The following PTGFRN variants were observed in gnomAD, a reference collection of about 807,000 sequenced individuals.
The protein encoded by PTGFRN is prostaglandin F2 receptor negative regulator.
A neutral mutation model predicts 83.2 loss-of-function variants in PTGFRN; 35 were observed. That is an observed-to-expected ratio of 0.42 (90% confidence interval 0.32 to 0.56). PTGFRN has a LOEUF of 0.56. PTGFRN is among the 20% of genes least tolerant of loss of function. PTGFRN has a pLI of 0.11. For missense variants in PTGFRN, 1,051 were observed against 1,179.5 expected, an observed-to-expected ratio of 0.89 and a Z score of 1.60; for synonymous variants, 519 against 498.6, an observed-to-expected ratio of 1.04 and a Z score of -0.55.
At chr1:116,948,340 T>C (rs557789687) in intron 3 of PTGFRN, among the ~76,000 whole-genome samples, 1 of 152,330 alleles carries the variant, frequency 6.6e-6, no homozygotes, top group East Asian at 1.9e-4. Context: ...ACCAAATACT[T>C]CAGTGCTTCA....
chr1:116,915,938 G>A (rs1649394176), intron 1 of PTGFRN, among the ~76,000 whole-genome samples: 2 of 152,354 alleles, frequency 1.3e-5, no homozygotes, highest in South Asian at 4.1e-4. Context: ...GCTGCAGTTG[G>A]CACAGTCAGT....
At chr1:116,932,112 C>T (rs1471326981) in intron 1 of PTGFRN, among the ~76,000 whole-genome samples, 2 of 152,138 alleles carry the variant, frequency 1.3e-5, no homozygotes, top group African/African-American at 4.8e-5. Context: ...CTATACTCTG[C>T]AGGTCTTGAT....
At chr1:116,932,433 T>C (rs1168427416) in intron 1 of PTGFRN, among the ~76,000 whole-genome samples, 1 of 152,246 alleles carries the variant, frequency 6.6e-6, no homozygotes, top group Non-Finnish European at 1.5e-5. Context: ...CTCTTGGTTG[T>C]TAATTTTCTA....
rs1057286585 is a variant in PTGFRN at position 116,958,336 on chromosome 1, G to A, written c.1214-2907G>A. On this transcript the variant is annotated intron_variant, in intron 4 of 8. Coordinates refer to ENST00000393203, the MANE Select transcript of PTGFRN (RefSeq NM_020440.4). This position sits in a 1 kb window ranked among gnomAD's most constrained non-coding sequence, Gnocchi z 4.9. The stretch of plus-strand genomic sequence containing the variant: ...GTGTCATGGCAGCACTGCACTCAGC[G>A]TTCCTAAAAATCATGTGTCAGTCAG... Among the ~76,000 whole-genome samples, 4 of 152,150 alleles carry A rather than the reference G, an allele frequency of 2.6e-5. No individual in the cohort carries two copies. Among genetic ancestry groups the A allele is most frequent in the African/African-American group, 9.7e-5 (4 of 41,422 alleles).
At chr1:116,916,126 C>A (rs1436337562) in intron 1 of PTGFRN, among the ~76,000 whole-genome samples, 1 of 152,170 alleles carries the variant, frequency 6.6e-6, no homozygotes, top group East Asian at 1.9e-4. Flanking sequence ...CCACAATACT[C>A]TGTATTGTGT....
In PTGFRN at chr1:116,915,134, C is replaced by T. The variant is rs545139664; in HGVS notation, c.49+4882C>T. ...TCTGTCTCTGCTAAGGAAAAGTTTA[C>T]TAATGTTCGCTAAACCTTATGCTGC... On this transcript the variant is annotated intron_variant, in intron 1 of 8. Transcript: ENST00000393203. Among the ~76,000 whole-genome samples the T allele has an allele frequency of 2.6e-5, 4 of 152,300 alleles. No individual in the cohort carries two copies. In the East Asian group the frequency reaches 7.7e-4, roughly 29 times the overall value.
At chr1:116,949,666 A>G (rs760584750) in intron 4 of PTGFRN, 94 bp downstream of exon 4, 27 of 1,478,946 alleles carry the variant, frequency 1.8e-5, no homozygotes, top group African/African-American at 2.8e-5. Flanking sequence ...TGCGCTTTGC[A>G]TGACTTCGAC....
intron 1 of PTGFRN, among the ~76,000 whole-genome samples, chr1:116,937,777 A>G (rs1007039304): frequency 5.3e-5 from 8 of 152,196 alleles, no homozygotes; most frequent in African/African-American, 1.9e-4. Flanking sequence ...AAACCTAGCC[A>G]AGGAAGCAAG....
chr1:116,956,737 CAG>C (rs928271744), intron 4 of PTGFRN, among the ~76,000 whole-genome samples: 6 of 152,160 alleles, frequency 3.9e-5, no homozygotes, highest in African/African-American at 1.2e-4. Flanking sequence ...GTTTATGGAG[CAG>C]ATGCCCAAGC....
At position 116,967,012 on chromosome 1, in the gene PTGFRN, C is replaced by A; in HGVS notation, c.1741C>A (p.Pro581Thr). The A allele has an allele frequency of 6.2e-7, 1 of 1,614,186 alleles. No individual in the cohort carries two copies. The highest frequency in any genetic ancestry group is 8.5e-7 in the Non-Finnish European group (1 of 1,180,022). Residue 581 changes from proline to threonine, a missense_variant, in exon 6 of 9, where the codon CCA (proline) becomes ACA (threonine). Coordinates refer to ENST00000393203, the MANE Select transcript of PTGFRN (RefSeq NM_020440.4). The part of the protein sequence containing the change: ...CKVSSKNIKS[P>T]RYSVLIMAEK... ...AGTATCTTCCAAGAATATTAAGTCG[C>A]CACGCTACTCTGTTCTCATCATGGC...
chr1:116,940,214 C>CT (rs1650025690), intron 1 of PTGFRN, among the ~76,000 whole-genome samples: 1 of 152,224 alleles, frequency 6.6e-6, no homozygotes, highest in African/African-American at 2.4e-5. Flanking sequence ...GGCCAGAAGT[C>CT]TAAGATCAAG....
Position 116,934,427 on chromosome 1 carries a change from G to A in PTGFRN, c.50-7288G>A, listed in dbSNP as rs552992189. 2.2e-3 allele frequency among the ~76,000 whole-genome samples: 333 copies of A among 152,288 alleles called. 1 individual carries two copies. The highest frequency in any genetic ancestry group is 3.8e-3 in the Non-Finnish European group (258 of 68,026). On this transcript the variant is annotated intron_variant, in intron 1 of 8. Transcript: ENST00000393203. ...CTCCCAGTGTGCTGGGATTATAGGC[G>A]AGAACCACTGTGCCTGGCTGCTGAC...
rs1649221513 is a variant in PTGFRN at position 116,910,142 on chromosome 1, G to T, written c.-62G>T. 6.7e-7 allele frequency: 1 copy of T among 1,493,584 alleles called. No individual in the cohort carries two copies. The highest frequency in any genetic ancestry group is 8.9e-7 in the Non-Finnish European group (1 of 1,117,366). 92.5% of individuals were successfully genotyped at this position (1,493,584 alleles called of 1,614,324 possible). A position where few individuals can be genotyped will look rare whatever the true frequency, so the allele number is the denominator to read the frequency against. On this transcript the variant is annotated 5_prime_UTR_variant, in exon 1 of 9. Transcript: ENST00000393203. ...TCTGGAGCAGCCGGAGCTGGAAGAG[G>T]AGGAGGAGGAGAGGCGGCGGGGAAG...
chr1:116,920,783 C>T (rs748061796), intron 1 of PTGFRN, among the ~76,000 whole-genome samples: 1 of 152,080 alleles, frequency 6.6e-6, no homozygotes, highest in Non-Finnish European at 1.5e-5. Context: ...GCCACTACAC[C>T]GGGCTAATTT....
chr1:116,949,631 C>A, intron 4 of PTGFRN, 59 bp downstream of exon 4: 1 of 1,544,474 alleles, frequency 6.5e-7, no homozygotes, highest in South Asian at 1.3e-5. Context: ...TCGGAGTTAT[C>A]TGAAGGAGTT....
At chr1:116,929,969 G>A (rs150607889) in intron 1 of PTGFRN, among the ~76,000 whole-genome samples, 379 of 152,310 alleles carry the variant, frequency 2.5e-3, no homozygotes, top group South Asian at 2.7e-3. Flanking sequence ...CCTGGAGGTT[G>A]CCAGTGATTA....
rs922166104 is a variant in PTGFRN, at chr1:116,941,564, C to T, written c.50-151C>T. The T allele has an allele frequency of 1.1e-4, 129 of 1,123,912 alleles. No individual in the cohort carries two copies. The highest frequency in any genetic ancestry group is 6.2e-4 in the Middle Eastern group (2 of 3,238). The allele number at this position is 1,123,912 out of a possible 1,614,324, so 69.6% of individuals were successfully genotyped here. On this transcript the variant is annotated intron_variant, in intron 1 of 8. Transcript: ENST00000393203. The surrounding 1 kb of genome is among the most constrained non-coding windows in gnomAD (Gnocchi z 5.0). ...CCTGGCTCATTATTTAAGGGTTAGG[C>T]TTAACCTTCTGCATAGATACATTTT... is the stretch of plus-strand genomic sequence containing the variant.
intron 1 of PTGFRN, among the ~76,000 whole-genome samples, chr1:116,922,554 G>A (rs975448313): frequency 5.9e-5 from 9 of 152,128 alleles, no homozygotes; most frequent in African/African-American, 1.7e-4. Flanking sequence ...GCCCATCTAG[G>A]GAGGGCCACA....
chr1:116,985,170 T>G (rs1235224754), intron 8 of PTGFRN, among the ~76,000 whole-genome samples, 185 bp downstream of exon 8: 3 of 152,228 alleles, frequency 2.0e-5, no homozygotes, highest in African/African-American at 7.2e-5. Context: ...TCCCCAGCTT[T>G]GCTATTATGT....
Sources: allele counts gnomAD v4.1 joint callset (sites outside exome capture counted in the v4.1 genomes callset), GRCh38; gene constraint gnomAD v4.1.1; non-coding constraint Gnocchi (gnomAD v3.1); transcripts MANE v1.5; gene names NCBI Gene and HGNC (gene_info 2026-07-23, HGNC 2026-07-21).